Variants in ZNF644 observed in about 807,000 individuals in gnomAD.
ZNF644 encodes zinc finger protein 644, also known as zinc finger motif enhancer binding protein 2.
Under a neutral mutation model 108.0 loss-of-function variants are expected in ZNF644, and 20 were observed. That is an observed-to-expected ratio of 0.19 (90% confidence interval 0.13 to 0.27). ZNF644 has a LOEUF of 0.27. ZNF644 is among the 10% of genes least tolerant of loss of function. The probability of loss-of-function intolerance (pLI) is 1.00; values close to 1 mark genes in which losing one functional copy is unlikely to be tolerated. For synonymous variants in ZNF644, 542 were observed against 539.1 expected (o/e 1.01, Z -0.08); for missense variants, 1,338 against 1,548.9 (o/e 0.86, Z 2.29).
chr1:90,956,157 T>C (rs1399279671), intron 2 of ZNF644, among the ~76,000 whole-genome samples: 2 of 152,186 alleles, frequency 1.3e-5, no homozygotes, highest in Non-Finnish European at 2.9e-5. Context: ...CTATCTTGGA[T>C]TGGGCATGGT....
intron 2 of ZNF644, among the ~76,000 whole-genome samples, chr1:90,969,984 T>A (rs965015989): frequency 6.6e-6 from 1 of 152,210 alleles, no homozygotes; most frequent in Non-Finnish European, 1.5e-5. Context: ...GTGATATACA[T>A]GAATATTTCT....
rs759877840 is a variant in ZNF644, at chr1:90,938,933, A to G, written c.2421T>C (p.Ala807=). ...TAGATTCCTTAATTACTCTCTTTAC[A>G]GCTACACGTCTGTGATCTTTGAAGC... is the stretch of plus-strand genomic sequence containing the variant. ...PESFKDHRRV[A]VKRVIKESKK... The change falls in exon 3 of 6, where the codon GCT becomes GCC. Residue 807 remains alanine (A), a synonymous_variant. Transcript: ENST00000337393. The surrounding 1 kb of genome is among the most constrained non-coding windows in gnomAD (Gnocchi z 4.2). 1 of 1,614,030 alleles carries G rather than the reference A, an allele frequency of 6.2e-7. No individual in the cohort carries two copies. The highest frequency in any genetic ancestry group is 1.1e-5 in the South Asian group (1 of 91,082).
In ZNF644 at chr1:90,999,211, C is replaced by T. The variant is rs541802; in HGVS notation, c.-17-16841G>A. ...CAGAGAACACCACAAAGATACTCCT[C>T]GAGAAGAGCAACTCCAAGACACATA... On this transcript the variant is annotated intron_variant, in intron 1 of 5. Coordinates refer to ENST00000337393, the MANE Select transcript of ZNF644 (RefSeq NM_201269.3). Among the ~76,000 whole-genome samples, 266 of 152,166 alleles carry T rather than the reference C, an allele frequency of 1.7e-3. 4 individuals carry two copies. The highest frequency in any genetic ancestry group is 0.01 in the Middle Eastern group (3 of 294).
At chr1:90,975,436 CTTT>C (rs1243944087) in intron 2 of ZNF644, among the ~76,000 whole-genome samples, 5 of 135,336 alleles carry the variant, frequency 3.7e-5, no homozygotes, top group Non-Finnish European at 3.2e-5. Flanking sequence ...CAAATATCTA[CTTT>C]TTTTTTTTTT....
chr1:90,916,574 C>T lies in ZNF644; in HGVS notation c.*224G>A. The T allele has an allele frequency of 1.8e-6, 1 of 543,978 alleles. No homozygotes were observed. The highest frequency in any genetic ancestry group is 2.1e-5 in the South Asian group (1 of 48,262). The allele number at this position is 543,978 out of a possible 1,614,324, so 33.7% of individuals were successfully genotyped here. A position where few individuals can be genotyped will look rare whatever the true frequency, so the allele number is the denominator to read the frequency against. On this transcript the variant is annotated 3_prime_UTR_variant, in exon 6 of 6. Transcript: ENST00000337393. ...TCTTTTACTGAGTGAACACAGTTAACCAACAAAACTTCATAAACCTTAAAA... is the reference window on the plus strand; with the variant it reads ...TCTTTTACTGAGTGAACACAGTTAATCAACAAAACTTCATAAACCTTAAAA...
intron 1 of ZNF644, among the ~76,000 whole-genome samples, chr1:90,993,145 T>C (rs1288348390): frequency 6.6e-6 from 1 of 152,142 alleles, no homozygotes; most frequent in Non-Finnish European, 1.5e-5. Flanking sequence ...AGATTTCAGT[T>C]TGCCAGTTTT....
chr1:90,999,818 G>C (rs1350759197), intron 1 of ZNF644, among the ~76,000 whole-genome samples: 4 of 152,026 alleles, frequency 2.6e-5, no homozygotes, highest in African/African-American at 9.7e-5. Flanking sequence ...ACACAAATAG[G>C]CTCAAAATAA....
rs746464185 is a variant in ZNF644, at chr1:90,940,668, T to C, written c.686A>G (p.Glu229Gly). The part of the protein sequence containing the change: ...INQVEVGEDG[E>G]DLLVKDDCVN... The stretch of plus-strand genomic sequence containing the variant: ...ACAATCATCTTTCACCAATAAATCT[T>C]CACCATCCTCACCCACCTCTACTTG... Residue 229 changes from glutamate to glycine, a missense_variant, in exon 3 of 6, where the codon GAA (glutamate) becomes GGA (glycine). This residue lies in a region of ZNF644 where 464 missense variants were observed against 457.9 expected (regional missense o/e 1.01). Coordinates refer to ENST00000337393, the MANE Select transcript of ZNF644 (RefSeq NM_201269.3). The C allele has an allele frequency of 6.2e-7, 1 of 1,614,058 alleles. No homozygotes were observed. Among genetic ancestry groups the C allele is most frequent in the South Asian group, 1.1e-5 (1 of 91,074 alleles).
intron 4 of ZNF644, among the ~76,000 whole-genome samples, chr1:90,931,415 T>C (rs1403349268): frequency 1.3e-5 from 2 of 150,002 alleles, no homozygotes; most frequent in East Asian, 3.9e-4. Flanking sequence ...CATAAATAAC[T>C]AGAATAAACT....
rs768467862 is a variant in ZNF644 at position 90,918,086 on chromosome 1, G to C, written c.3757C>G (p.His1253Asp). 6.2e-7 allele frequency: 1 copy of C among 1,614,068 alleles called. No individual in the cohort carries two copies. The highest frequency in any genetic ancestry group is 1.1e-5 in the South Asian group (1 of 91,080). ...AGAATGTAAACCTCGTCAGCACCAT[G>C]AGGTAATGTTAGCATTTTCTTCTTG... ...GSKKKMLTLPHGADEVYILRC... is the reference protein window; with the variant it reads ...GSKKKMLTLPDGADEVYILRC... The change falls in exon 5 of 6, where the codon CAT (histidine) becomes GAT (aspartate). Residue 1253 changes from histidine (H) to aspartate (D), a missense_variant. Physicochemically the swap from His to Asp is moderately conservative, Grantham distance 81. Transcript: ENST00000337393.
Position 90,939,026 on chromosome 1 carries a change from T to C in ZNF644, c.2328A>G (p.Ser776=). The change falls in exon 3 of 6, where the codon TCA becomes TCG. Residue 776 remains serine (S), a synonymous_variant. Transcript: ENST00000337393. ...ASSLNSLHLF[S]SSSNSHNNFI... The stretch of plus-strand genomic sequence containing the variant: ...AATTGTTGTGAGAATTACTTGATGA[T>C]GAAAACAGGTGTAAAGAATTTAATG... 1 of 1,614,040 alleles carries C rather than the reference T, an allele frequency of 6.2e-7. No homozygotes were observed. Among genetic ancestry groups the C allele is most frequent in the Non-Finnish European group, 8.5e-7 (1 of 1,179,918 alleles).
chr1:90,977,218 C>T (rs890700363), intron 2 of ZNF644, among the ~76,000 whole-genome samples: 1 of 151,994 alleles, frequency 6.6e-6, no homozygotes, highest in African/African-American at 2.4e-5. Context: ...CTTAATGAAC[C>T]TAATATTTAG....
rs771358684 is a variant in ZNF644 at position 90,938,242 on chromosome 1, CA to C, written c.3082+29del. 6.9e-5 allele frequency: 112 copies of C among 1,613,828 alleles called. No individual in the cohort carries two copies. The highest frequency in any genetic ancestry group is 9.1e-5 in the Non-Finnish European group (107 of 1,179,864). ...CTTCAGAATTAGAACACAGACCTAT[CA>C]GCCCAAATCATCCCCATGGAGAACT... On this transcript the variant is annotated intron_variant, in intron 3 of 5. Coordinates refer to ENST00000337393, the MANE Select transcript of ZNF644 (RefSeq NM_201269.3). The surrounding 1 kb of genome is among the most constrained non-coding windows in gnomAD (Gnocchi z 4.2).
intron 2 of ZNF644, among the ~76,000 whole-genome samples, chr1:90,970,860 C>T (rs1167332296): frequency 2.6e-5 from 4 of 151,772 alleles, no homozygotes; most frequent in Admixed American, 6.6e-5. Flanking sequence ...ATTAGCTGGG[C>T]GTGGTGGCAC....
chr1:90,968,126 G>A (rs1321232247), intron 2 of ZNF644, among the ~76,000 whole-genome samples: 1 of 145,736 alleles, frequency 6.9e-6, no homozygotes, highest in Non-Finnish European at 1.5e-5. Context: ...CAATTTAAAA[G>A]TGCATGAAAG....
intron 2 of ZNF644, among the ~76,000 whole-genome samples, chr1:90,963,044 T>C (rs909212040): frequency 4.6e-5 from 7 of 152,108 alleles, no homozygotes. Flanking sequence ...ATTTTTTAAA[T>C]GTAACTAACA....
Position 90,918,156 on chromosome 1 carries a change from TA to T in ZNF644, c.3689-3del, listed in dbSNP as rs1430165429. On this transcript the variant is annotated splice_polypyrimidine_tract_variant and splice_region_variant and intron_variant, in intron 4 of 5. Coordinates refer to ENST00000337393, the MANE Select transcript of ZNF644 (RefSeq NM_201269.3). ...ATTTCTTTTGCTTACAATCTAAGGC[TA>T]AAAAGGGGAAGAGAAAGACTTAACA... is the stretch of plus-strand genomic sequence containing the variant. 2 of 1,611,274 alleles carry T rather than the reference TA, an allele frequency of 1.2e-6. No individual in the cohort carries two copies. Among genetic ancestry groups the T allele is most frequent in the Non-Finnish European group, 8.5e-7 (1 of 1,177,504 alleles).
chr1:90,952,148 T>G (rs1334978838), intron 2 of ZNF644, among the ~76,000 whole-genome samples: 1 of 152,244 alleles, frequency 6.6e-6, no homozygotes, highest in East Asian at 1.9e-4. Context: ...TTTATTTGAA[T>G]TTTTAAAATG....
chr1:90,935,294 A>C, intron 4 of ZNF644: 1 of 885,170 alleles, frequency 1.1e-6, no homozygotes, highest in Non-Finnish European at 1.4e-6. Context: ...TTCAGACTCA[A>C]ATGCAGCTTA....
Sources: allele counts gnomAD v4.1 joint callset (sites outside exome capture counted in the v4.1 genomes callset), GRCh38; gene constraint gnomAD v4.1.1; regional missense constraint gnomAD v4.1.1; non-coding constraint Gnocchi (gnomAD v3.1); transcripts MANE v1.5; gene names NCBI Gene and HGNC (gene_info 2026-07-23, HGNC 2026-07-21).